Variants in MCTP2 observed in about 807,000 individuals in gnomAD.
MCTP2 encodes multiple C2 and transmembrane domain containing 2, also known as multiple C2 and transmembrane domain-containing protein 2.
In MCTP2, 132 loss-of-function variants were observed where a neutral mutation model predicts 111.6. That is an observed-to-expected ratio of 1.18 (90% CI 1.03 to 1.37). The LOEUF (loss-of-function observed/expected upper bound fraction) is 1.37. Ranked by LOEUF, MCTP2 falls within the 40% of genes most tolerant of loss-of-function variation. The probability of loss-of-function intolerance (pLI) is 0.00; values close to 1 mark genes in which losing one functional copy is unlikely to be tolerated. For missense variants in MCTP2, 1,183 were observed against 1,067.9 expected, an observed-to-expected ratio of 1.11 and a Z score of -1.50; for synonymous variants, 395 against 387.7, an observed-to-expected ratio of 1.02 and a Z score of -0.22.
intron 20 of MCTP2, 91 bp from the exon 21 acceptor site, chr15:94,470,242 A>G: frequency 3.0e-6 from 3 of 1,004,966 alleles, no homozygotes; most frequent in Non-Finnish European, 3.0e-6. Flanking sequence ...AAAAATTTCT[A>G]TAATTATGAA....
chr15:94,340,564 CA>C (rs1448580023), intron 6 of MCTP2, among the ~76,000 whole-genome samples: 9 of 152,078 alleles, frequency 5.9e-5, no homozygotes, highest in Admixed American at 1.3e-4. Context: ...AAAATTAAAA[CA>C]AGTGTTTACA....
At chr15:94,387,181 C>A (rs564413558) in intron 14 of MCTP2, among the ~76,000 whole-genome samples, 1 of 151,442 alleles carries the variant, frequency 6.6e-6, no homozygotes, top group African/African-American at 2.4e-5. Context: ...CCTTCCTTCC[C>A]TAGAAGATCT....
intron 7 of MCTP2, among the ~76,000 whole-genome samples, chr15:94,344,605 C>T (rs895964687): frequency 3.9e-5 from 6 of 152,278 alleles, no homozygotes; most frequent in African/African-American, 1.4e-4. Context: ...TCCTTAGATA[C>T]TGCATTAGCA....
intron 4 of MCTP2, among the ~76,000 whole-genome samples, chr15:94,328,406 G>A (rs890416281): frequency 6.6e-6 from 1 of 152,174 alleles, no homozygotes; most frequent in Non-Finnish European, 1.5e-5. Flanking sequence ...GGGATTCCAG[G>A]TGTGAGCCAC....
At chr15:94,372,124 A>G (rs1048644777) in intron 12 of MCTP2, among the ~76,000 whole-genome samples, 3 of 152,362 alleles carry the variant, frequency 2.0e-5, no homozygotes, top group African/African-American at 7.2e-5. Context: ...TTTGGAGTGC[A>G]TGAAGGTAAG....
chr15:94,240,168 C>G (rs2070842314), intron 1 of MCTP2, among the ~76,000 whole-genome samples: 1 of 152,002 alleles, frequency 6.6e-6, no homozygotes, highest in South Asian at 2.1e-4. Flanking sequence ...TGTGTACTAG[C>G]TACCTGATAT....
At chr15:94,358,935 C>T (rs999341624) in intron 10 of MCTP2, among the ~76,000 whole-genome samples, 1 of 152,044 alleles carries the variant, frequency 6.6e-6, no homozygotes, top group Non-Finnish European at 1.5e-5. Context: ...TGCTACCTAG[C>T]GAAATGTTAT....
At chr15:94,361,649 A>T (rs2078950256) in intron 10 of MCTP2, among the ~76,000 whole-genome samples, 1 of 152,236 alleles carries the variant, frequency 6.6e-6, no homozygotes, top group Admixed American at 6.5e-5. Flanking sequence ...AACTCAAATT[A>T]TGCAATTTAA....
chr15:94,244,087 T>C (rs1279260554), intron 1 of MCTP2, among the ~76,000 whole-genome samples: 2 of 54,770 alleles, frequency 3.7e-5, no homozygotes, highest in Non-Finnish European at 9.6e-5. Flanking sequence ...TATGCACACA[T>C]ATGTATACAC....
intron 8 of MCTP2, among the ~76,000 whole-genome samples, chr15:94,348,587 A>G (rs964059198): frequency 7.4e-5 from 11 of 148,028 alleles, no homozygotes; most frequent in Non-Finnish European, 8.9e-5. Context: ...CTTTGGGTTG[A>G]AAAGGAGCTA....
intron 4 of MCTP2, among the ~76,000 whole-genome samples, chr15:94,322,801 A>G (rs886388183): frequency 6.6e-6 from 1 of 152,240 alleles, no homozygotes; most frequent in African/African-American, 2.4e-5. Context: ...TTTTCTTGCT[A>G]TTTAACTCAG....
At position 94,480,256 on chromosome 15, in the gene MCTP2, T is replaced by TTATG. The variant is rs981823891; in HGVS notation, c.*1234_*1237dup. On this transcript the variant is annotated 3_prime_UTR_variant, in exon 23 of 23. Coordinates refer to ENST00000357742, the MANE Select transcript of MCTP2 (RefSeq NM_001385001.1). ...TGTTGACACATACTTTGTGCAGTTT[T>TTATG]TATGTATGTATGTATTATAAAAAAA... 6.6e-6 allele frequency: 1 copy of TTATG among 152,220 alleles called. No individual in the cohort carries two copies. Among genetic ancestry groups the TTATG allele is most frequent in the African/African-American group, 2.4e-5 (1 of 41,442 alleles). The allele number at this position is 152,220 out of a possible 1,614,324, so 9.4% of individuals were successfully genotyped here.
At chr15:94,410,349 T>G (rs1208459163) in intron 17 of MCTP2, among the ~76,000 whole-genome samples, 1 of 152,146 alleles carries the variant, frequency 6.6e-6, no homozygotes, top group East Asian at 1.9e-4. Flanking sequence ...TTTCCAGGGC[T>G]ACTTAATGTC....
intron 15 of MCTP2, chr15:94,399,715 C>G (rs1203486450): frequency 3.7e-6 from 2 of 544,064 alleles, no homozygotes; most frequent in Non-Finnish European, 6.6e-6. Flanking sequence ...CCCTTCTAGA[C>G]TCAATCTGAC....
Position 94,364,979 on chromosome 15 carries a change from A to G in MCTP2, c.1302-2626A>G, listed in dbSNP as rs539995987. Among the ~76,000 whole-genome samples, 31 of 152,302 alleles carry G rather than the reference A, an allele frequency of 2.0e-4. No individual in the cohort carries two copies. In the South Asian group the frequency reaches 5.2e-3, roughly 25 times the overall value. ...CCAGAATGTGGAAATAAATGGGGAC[A>G]CCAGGTGGGTAGAAGAGTTACAGAA... On this transcript the variant is annotated intron_variant, in intron 10 of 22. Coordinates refer to ENST00000357742, the MANE Select transcript of MCTP2 (RefSeq NM_001385001.1).
At chr15:94,366,237 CT>C (rs1192606280) in intron 10 of MCTP2, among the ~76,000 whole-genome samples, 2 of 152,062 alleles carry the variant, frequency 1.3e-5, no homozygotes, top group African/African-American at 4.8e-5. Flanking sequence ...TTTAAAAATA[CT>C]TTTTTTGTAA....
chr15:94,355,303 A>G (rs562865569), intron 8 of MCTP2, among the ~76,000 whole-genome samples: 1 of 152,248 alleles, frequency 6.6e-6, no homozygotes, highest in East Asian at 1.9e-4. Context: ...TTTGCCAGAC[A>G]GTGAATCTGG....
intron 1 of MCTP2, among the ~76,000 whole-genome samples, chr15:94,235,810 C>T (rs1052648631): frequency 6.6e-6 from 1 of 152,172 alleles, no homozygotes; most frequent in Non-Finnish European, 1.5e-5. Context: ...GAACCTTCCT[C>T]TTTTATCTTG....
chr15:94,303,410 T>G (rs769125137), intron 2 of MCTP2, among the ~76,000 whole-genome samples: 18 of 151,996 alleles, frequency 1.2e-4, no homozygotes, highest in Admixed American at 3.3e-4. Context: ...TGGCAGCTGA[T>G]TAGATGATGC....
Sources: allele counts gnomAD v4.1 joint callset (sites outside exome capture counted in the v4.1 genomes callset), GRCh38; gene constraint gnomAD v4.1.1; transcripts MANE v1.5; gene names NCBI Gene and HGNC (gene_info 2026-07-23, HGNC 2026-07-21).